OPCML: variants seen among roughly 807,000 people sequenced by gnomAD.
OPCML encodes opioid binding protein/cell adhesion molecule like.
In OPCML, 13 loss-of-function variants were observed where a neutral mutation model predicts 37.8. The ratio of observed to expected loss-of-function variants is 0.34; its 90% CI spans 0.22 to 0.55. The LOEUF is 0.55. Among genes scored for constraint, OPCML ranks in the 20% least tolerant of loss-of-function variants. OPCML has a pLI of 0.91. For synonymous variants in OPCML, 176 were observed against 168.8 expected (o/e 1.04, Z -0.33); for missense variants, 341 against 435.6 (o/e 0.78, Z 1.93).
In OPCML at chr11:133,178,169, C is replaced by A. The variant is rs1280569073; in HGVS notation, c.62-235159G>T. Among the ~76,000 whole-genome samples the A allele has an allele frequency of 2.0e-5, 3 of 152,144 alleles. No homozygotes were observed. The East Asian group carries it at 5.8e-4, about 29-fold the overall frequency. On this transcript the variant is annotated intron_variant, in intron 1 of 7. Transcript: ENST00000524381. ...GGCCATGCAATATCACTGGGCCTGA[C>A]AAGCCTCAGGCCCAAAATGGGAATC... is the stretch of plus-strand genomic sequence containing the variant.
chr11:133,016,846 C>T (rs535823270), intron 1 of OPCML, among the ~76,000 whole-genome samples: 14 of 152,254 alleles, frequency 9.2e-5, no homozygotes, highest in East Asian at 3.9e-4. Flanking sequence ...CCACTCTGCT[C>T]GTTTATAATG....
chr11:132,894,899 T>C (rs1468627228), intron 2 of OPCML, among the ~76,000 whole-genome samples: 1 of 152,208 alleles, frequency 6.6e-6, no homozygotes. Context: ...AGCATGTAGA[T>C]GGCTGTCACA....
intron 2 of OPCML, among the ~76,000 whole-genome samples, chr11:132,659,299 T>C (rs1009929258): frequency 1.2e-4 from 19 of 152,222 alleles, no homozygotes; most frequent in African/African-American, 4.6e-4. Context: ...AAAAATATGA[T>C]AAATTTATTC....
intron 1 of OPCML, among the ~76,000 whole-genome samples, chr11:133,218,528 CA>C (rs1398504458): frequency 6.6e-6 from 1 of 152,170 alleles, no homozygotes; most frequent in Non-Finnish European, 1.5e-5. Flanking sequence ...TACTCAAAAA[CA>C]AAGACGGTGA....
At position 132,529,184 on chromosome 11, in the gene OPCML, G is replaced by C; in HGVS notation, c.382C>G (p.Pro128Ala). The change falls in exon 4 of 8, where the codon CCT becomes GCT. Residue 128 changes from proline to alanine, a missense_variant and splice_region_variant. Physicochemically the swap from Pro to Ala is conservative, Grantham distance 27. Coordinates refer to ENST00000524381, the MANE Select transcript of OPCML (RefSeq NM_001012393.5). ...TSRVHLIVQVPPQIMNISSDI... is the reference protein window; with the variant it reads ...TSRVHLIVQVAPQIMNISSDI... ...GAGGAGATATTCATGATCTGAGGAG[G>C]AACTGTAAGGAAACAGGATAGAAGA... 6.2e-7 allele frequency: 1 copy of C among 1,607,828 alleles called. No individual in the cohort carries two copies. The highest frequency in any genetic ancestry group is 8.5e-7 in the Non-Finnish European group (1 of 1,176,662).
intron 4 of OPCML, among the ~76,000 whole-genome samples, chr11:132,447,831 T>A (rs147001346): frequency 6.6e-6 from 1 of 152,242 alleles, no homozygotes; most frequent in Non-Finnish European, 1.5e-5. Flanking sequence ...GCCGCTCCAA[T>A]GTAGGACTCT....
In OPCML at chr11:132,535,189, T is replaced by C. The variant is rs888975305; in HGVS notation, c.380-6003A>G. The stretch of plus-strand genomic sequence containing the variant: ...TCTAGCTACCAGAGTAAAAAGTGCA[T>C]AAACTCTCTAGCTACCAGAGTAAAA... On this transcript the variant is annotated intron_variant, in intron 3 of 7. Coordinates refer to ENST00000524381, the MANE Select transcript of OPCML (RefSeq NM_001012393.5). Among the ~76,000 whole-genome samples, 11 of 152,102 alleles carry C rather than the reference T, an allele frequency of 7.2e-5. 1 individual carries two copies. The South Asian group carries it at 2.3e-3, about 32-fold the overall frequency.
chr11:133,325,490 C>G (rs1309984018), intron 1 of OPCML, among the ~76,000 whole-genome samples: 2 of 152,092 alleles, frequency 1.3e-5, no homozygotes, highest in African/African-American at 4.8e-5. Flanking sequence ...TAACGCCTAT[C>G]AAAATGCAGA....
chr11:132,933,107 C>CAG (rs1945263682), intron 2 of OPCML, among the ~76,000 whole-genome samples: 1 of 152,146 alleles, frequency 6.6e-6, no homozygotes, highest in Non-Finnish European at 1.5e-5. Flanking sequence ...TGCACAGGTA[C>CAG]AGCGGGAGGC....
chr11:132,436,965 G>A (rs2096015292), intron 5 of OPCML, 186 bp from the exon 6 acceptor site: 1 of 958,832 alleles, frequency 1.0e-6, no homozygotes, highest in Non-Finnish European at 1.2e-6. Flanking sequence ...ATACTGCATT[G>A]ACCCCAACCT....
chr11:132,727,802 C>G (rs905257449), intron 2 of OPCML, among the ~76,000 whole-genome samples: 2 of 152,160 alleles, frequency 1.3e-5, no homozygotes, highest in Admixed American at 6.5e-5. Flanking sequence ...AGGATTAGTT[C>G]CCTATTCTAA....
chr11:132,486,312 C>A (rs1252133024), intron 4 of OPCML, among the ~76,000 whole-genome samples: 1 of 152,082 alleles, frequency 6.6e-6, no homozygotes, highest in Non-Finnish European at 1.5e-5. Context: ...CATTTGTGAG[C>A]CCCACAATGG....
At chr11:132,857,160 G>T (rs147561624) in intron 2 of OPCML, among the ~76,000 whole-genome samples, 1 of 152,290 alleles carries the variant, frequency 6.6e-6, no homozygotes, top group African/African-American at 2.4e-5. Flanking sequence ...ATTGTCCAAA[G>T]TATTGTAGCT....
intron 1 of OPCML, among the ~76,000 whole-genome samples, chr11:133,171,134 T>C (rs975300200): frequency 6.6e-6 from 1 of 152,190 alleles, no homozygotes; most frequent in Non-Finnish European, 1.5e-5. Flanking sequence ...GCCCTATACC[T>C]CTTTGTTTTA....
chr11:133,116,940 T>C (rs1949344695), intron 1 of OPCML, among the ~76,000 whole-genome samples: 1 of 152,146 alleles, frequency 6.6e-6, no homozygotes, highest in Non-Finnish European at 1.5e-5. Context: ...CCACCTTTTA[T>C]TCTACATTGT....
chr11:133,441,036 A>T (rs1028715813), intron 1 of OPCML, among the ~76,000 whole-genome samples: 13 of 151,814 alleles, frequency 8.6e-5, no homozygotes, highest in African/African-American at 3.1e-4. Flanking sequence ...TTACAGATAA[A>T]TTATTAGAAT....
chr11:133,131,505 T>A (rs1949603526), intron 1 of OPCML, among the ~76,000 whole-genome samples: 1 of 152,144 alleles, frequency 6.6e-6, no homozygotes, highest in South Asian at 2.1e-4. Context: ...TTAAAAATAG[T>A]GACAACCCCA....
intron 1 of OPCML, among the ~76,000 whole-genome samples, chr11:133,142,708 ATAAG>A (rs1182667095): frequency 6.6e-6 from 1 of 152,160 alleles, no homozygotes; most frequent in African/African-American, 2.4e-5. Context: ...TGGTTGATAA[ATAAG>A]AGGTGTGAAG....
At chr11:133,393,144 A>T (rs911167407) in intron 1 of OPCML, among the ~76,000 whole-genome samples, 1 of 151,966 alleles carries the variant, frequency 6.6e-6, no homozygotes, top group Non-Finnish European at 1.5e-5. Flanking sequence ...GAAGGGTGTG[A>T]TGTGCCTTAT....
Sources: gnomAD v4.1 joint callset for allele counts (sites outside exome capture counted in the v4.1 genomes callset) on GRCh38, gnomAD v4.1.1 for gene constraint, MANE v1.5 for transcripts, NCBI Gene and HGNC (gene_info 2026-07-23, HGNC 2026-07-21) for gene names.